EDEM3: variants seen among roughly 807,000 people sequenced by gnomAD.
The protein encoded by EDEM3 is ER degradation-enhancing alpha-mannosidase-like protein 3.
EDEM3 carries 60 observed loss-of-function variants against 110.2 expected under a neutral mutation model. The observed-to-expected ratio is 0.54, with a 90% CI of 0.44 to 0.67. The LOEUF (loss-of-function observed/expected upper bound fraction) is 0.67, where lower values mean the gene tolerates loss of function less well. Among genes scored for constraint, EDEM3 ranks in the 30% least tolerant of loss-of-function variants. The pLI, the probability that EDEM3 is intolerant of heterozygous loss-of-function variation, is 0.00. For synonymous variants in EDEM3, 352 were observed against 382.9 expected, an observed-to-expected ratio of 0.92 and a Z score of 0.94; for missense variants, 996 against 1,121.0, an observed-to-expected ratio of 0.89 and a Z score of 1.59.
intron 17 of EDEM3, 145 bp downstream of exon 17, chr1:184,708,008 C>T (rs1650023971): frequency 2.8e-6 from 2 of 718,834 alleles, no homozygotes; most frequent in Non-Finnish European, 4.2e-6. Context: ...TCAAGACATG[C>T]TTTTACTTTA....
intron 5 of EDEM3, 31 bp from the exon 6 acceptor site, chr1:184,733,021 ATCTTATAGACAATTAAAAGT>A: frequency 6.2e-7 from 1 of 1,607,636 alleles, no homozygotes; most frequent in South Asian, 1.1e-5. Flanking sequence ...CATTATCCAT[ATCTTATAGACAATTAAAAGT>A]TACCATCTAA....
chr1:184,721,390 T>C lies in EDEM3; in HGVS notation c.854-4A>G, dbSNP rs376800699. 112 of 1,574,240 alleles carry C rather than the reference T, an allele frequency of 7.1e-5. No homozygotes were observed. The highest frequency in any genetic ancestry group is 9.1e-5 in the Non-Finnish European group (106 of 1,167,506). On this transcript the variant is annotated splice_polypyrimidine_tract_variant and splice_region_variant and intron_variant, in intron 8 of 19. Transcript: ENST00000318130. ...ATCCCTGCTCCAACTCCACTATCTA[T>C]GGAAACACAAATGTGATTTTTCATT...
At chr1:184,749,202 A>AT (rs1250838784) in intron 2 of EDEM3, among the ~76,000 whole-genome samples, 2 of 152,160 alleles carry the variant, frequency 1.3e-5, no homozygotes, top group Non-Finnish European at 1.5e-5. Flanking sequence ...TATTGTAAAC[A>AT]TTTTTTTAAA....
chr1:184,715,307 A>T (rs1650485701), intron 13 of EDEM3, among the ~76,000 whole-genome samples: 1 of 152,202 alleles, frequency 6.6e-6, no homozygotes, highest in Non-Finnish European at 1.5e-5. Flanking sequence ...TTACACTTTG[A>T]AAAATAGAAT....
Position 184,738,696 on chromosome 1 carries a change from C to T in EDEM3, c.205-985G>A, listed in dbSNP as rs116391810. ...CAAACTCCTAGGTAAAAGATGGTAT[C>T]TAAAGATTCATTACTAATAAGGATA... On this transcript the variant is annotated intron_variant, in intron 2 of 19. Coordinates refer to ENST00000318130, the MANE Select transcript of EDEM3 (RefSeq NM_025191.4). Among the ~76,000 whole-genome samples the T allele has an allele frequency of 2.8e-3, 425 of 152,258 alleles. 5 individuals carry two copies. In the East Asian group the frequency reaches 0.035, roughly 13 times the overall value.
intron 9 of EDEM3, 84 bp from the exon 10 acceptor site, chr1:184,719,652 AT>A (rs1335662795): frequency 7.6e-7 from 1 of 1,322,668 alleles, no homozygotes; most frequent in African/African-American, 1.5e-5. Flanking sequence ...CTGTGAATAA[AT>A]TAAACTAGAA....
Position 184,705,663 on chromosome 1 carries a change from A to G in EDEM3, c.2203+980T>C, listed in dbSNP as rs550597626. ...GTTAATATTCTGTTTTACCTGAACTATTTTTTTTTATTTACCTTAACTATT... is the reference window on the plus strand; with the variant it reads ...GTTAATATTCTGTTTTACCTGAACTGTTTTTTTTTATTTACCTTAACTATT... On this transcript the variant is annotated intron_variant, in intron 18 of 19. Transcript: ENST00000318130. Among the ~76,000 whole-genome samples the G allele has an allele frequency of 3.3e-5, 5 of 151,414 alleles. No individual in the cohort carries two copies. In the South Asian group the frequency reaches 1.0e-3, roughly 32 times the overall value.
intron 16 of EDEM3, among the ~76,000 whole-genome samples, chr1:184,709,043 G>A (rs1414401912): frequency 2.4e-4 from 37 of 152,150 alleles, no homozygotes. Flanking sequence ...AGACATGATA[G>A]AAGTTAGAGG....
chr1:184,714,800 T>G (rs1477692563), intron 13 of EDEM3, among the ~76,000 whole-genome samples: 1 of 151,868 alleles, frequency 6.6e-6, no homozygotes, highest in Admixed American at 6.6e-5. Flanking sequence ...AAGTTTACAC[T>G]AAAAAAAAGA....
At chr1:184,726,765 C>A (rs1298322891) in intron 6 of EDEM3, among the ~76,000 whole-genome samples, 10 of 152,084 alleles carry the variant, frequency 6.6e-5, no homozygotes. Flanking sequence ...GGGAAGTAGA[C>A]CAGCCTTAGA....
intron 4 of EDEM3, among the ~76,000 whole-genome samples, chr1:184,734,890 T>A (rs1437605487): frequency 6.6e-6 from 1 of 152,212 alleles, no homozygotes; most frequent in African/African-American, 2.4e-5. Flanking sequence ...GAAGCTACCA[T>A]CATCAGACCT....
rs2102147515 is a variant in EDEM3 at position 184,754,501 on chromosome 1, T to C, written c.146A>G (p.Lys49Arg). ...AGAEPMSREE[K>R]QKLGNQVLEM... ...CCAGCACCCTTACCCAAGCTTCTGT[T>C]TCTCCTCCCTACTCATGGGCTCGGC... Residue 49 changes from lysine to arginine, a missense_variant, in exon 1 of 20, where the codon AAA becomes AGA. Lys to Arg is a conservative substitution (Grantham distance 26). This residue lies in a region of EDEM3 where 200 missense variants were observed against 183.8 expected (regional missense o/e 1.09). Coordinates refer to ENST00000318130, the MANE Select transcript of EDEM3 (RefSeq NM_025191.4). The C allele has an allele frequency of 6.2e-7, 1 of 1,612,766 alleles. No individual in the cohort carries two copies. Among genetic ancestry groups the C allele is most frequent in the Non-Finnish European group, 8.5e-7 (1 of 1,179,696 alleles).
chr1:184,726,118 T>C (rs1007642350), intron 7 of EDEM3, 137 bp downstream of exon 7: 9 of 1,211,166 alleles, frequency 7.4e-6, no homozygotes, highest in South Asian at 3.9e-5. Context: ...TTAAAAACCA[T>C]GTAAAGGAAT....
chr1:184,741,070 T>A (rs1652109325), intron 2 of EDEM3, among the ~76,000 whole-genome samples: 1 of 152,184 alleles, frequency 6.6e-6, no homozygotes, highest in Non-Finnish European at 1.5e-5. Context: ...AAGCACTGTT[T>A]AAACTACTCT....
intron 16 of EDEM3, among the ~76,000 whole-genome samples, chr1:184,709,031 C>T (rs963293854): frequency 2.0e-5 from 3 of 151,994 alleles, no homozygotes; most frequent in African/African-American, 7.3e-5. Context: ...GAAAAACCAA[C>T]AAGACATGAT....
intron 18 of EDEM3, among the ~76,000 whole-genome samples, chr1:184,703,860 T>C (rs932677780): frequency 1.3e-5 from 2 of 152,128 alleles, no homozygotes; most frequent in Non-Finnish European, 2.9e-5. Context: ...CAGGGGGTAA[T>C]AGTCCAGTTG....
chr1:184,708,052 T>C, intron 17 of EDEM3, 101 bp downstream of exon 17: 1 of 1,129,012 alleles, frequency 8.9e-7, no homozygotes, highest in Non-Finnish European at 1.2e-6. Context: ...TTCAGTTTTT[T>C]AAATAAATTA....
At chr1:184,707,256 G>C (rs1177916166) in intron 17 of EDEM3, among the ~76,000 whole-genome samples, 1 of 152,026 alleles carries the variant, frequency 6.6e-6, no homozygotes, top group African/African-American at 2.4e-5. Context: ...GTTTTTGAAA[G>C]GGGAAAAAAT....
intron 1 of EDEM3, among the ~76,000 whole-genome samples, chr1:184,750,084 C>T (rs1652673496): frequency 6.6e-6 from 1 of 152,166 alleles, no homozygotes; most frequent in Admixed American, 6.5e-5. Flanking sequence ...TATGAAGCCT[C>T]TGCCTTTGCA....
Sources: gnomAD v4.1 joint callset for allele counts (sites outside exome capture counted in the v4.1 genomes callset) on GRCh38, gnomAD v4.1.1 for gene constraint, gnomAD v4.1.1 regional missense constraint, MANE v1.5 for transcripts, NCBI Gene and HGNC (gene_info 2026-07-23, HGNC 2026-07-21) for gene names.